SLC28A1: variants seen among roughly 807,000 people sequenced by gnomAD.
SLC28A1 encodes the protein solute carrier family 28 member 1.
In SLC28A1, 64 loss-of-function variants were observed where a neutral mutation model predicts 74.8. That is an observed-to-expected ratio of 0.86 (90% CI 0.70 to 1.05). The LOEUF (loss-of-function observed/expected upper bound fraction) is 1.05, where lower values mean the gene tolerates loss of function less well. Among genes scored for constraint, SLC28A1 ranks in the 50% least tolerant of loss-of-function variants. The probability of loss-of-function intolerance (pLI) is 0.00; values close to 1 mark genes in which losing one functional copy is unlikely to be tolerated. For synonymous variants in SLC28A1, 359 were observed against 335.0 expected (o/e 1.07, Z -0.78); for missense variants, 828 against 822.8 (o/e 1.01, Z -0.08).
intron 9 of SLC28A1, among the ~76,000 whole-genome samples, chr15:84,909,087 A>G (rs1480098867): frequency 6.6e-6 from 1 of 152,142 alleles, no homozygotes; most frequent in African/African-American, 2.4e-5. Flanking sequence ...TGAGTAGCTG[A>G]GGACAAGAAG....
the SLC28A1 span, among the ~76,000 whole-genome samples, chr15:84,951,997 C>T: frequency 3.9e-5 from 6 of 152,106 alleles, no homozygotes; most frequent in East Asian, 1.9e-4. Flanking sequence ...AAGCAGGAGT[C>T]GGCAGAGGTC....
At position 84,935,300 on chromosome 15, in the gene SLC28A1, G is replaced by A. The variant is rs768595528; in HGVS notation, c.1384-21G>A. On this transcript the variant is annotated intron_variant, in intron 14 of 18. Coordinates refer to ENST00000394573, the MANE Select transcript of SLC28A1 (RefSeq NM_004213.5). ...AGCCCAGGCCCAGCCCTCGGTGCCA[G>A]CCATACCGTTGTGCCCTCAGCTCAT... is the stretch of plus-strand genomic sequence containing the variant. 1.2e-5 allele frequency: 20 copies of A among 1,613,872 alleles called. No individual in the cohort carries two copies. The South Asian group carries it at 1.3e-4, about 11-fold the overall frequency.
downstream of SLC28A1, among the ~76,000 whole-genome samples, chr15:84,947,730 C>T (rs2079281455): frequency 1.3e-5 from 2 of 152,284 alleles, no homozygotes; most frequent in East Asian, 1.9e-4. Context: ...CATAAGGACA[C>T]TAATCCCATT....
At position 84,928,571 on chromosome 15, in the gene SLC28A1, T is replaced by G. The variant is rs921774624; in HGVS notation, c.1083+4461T>G. Among the ~76,000 whole-genome samples the G allele has an allele frequency of 1.8e-4, 3 of 16,914 alleles. 1 individual carries two copies. The highest frequency in any genetic ancestry group is 2.1e-4 in the Non-Finnish European group (2 of 9,610). The allele number at this position is 16,914 out of a possible 152,430, so 11.1% of individuals were successfully genotyped here. On this transcript the variant is annotated intron_variant, in intron 12 of 18. Transcript: ENST00000394573. ...CTTTCTTTCTTTCTTTCTTTCTTTCTTTCTTTCTTTCTTTCTTTCTTTCTT... is the reference window on the plus strand; with the variant it reads ...CTTTCTTTCTTTCTTTCTTTCTTTCGTTCTTTCTTTCTTTCTTTCTTTCTT...
chr15:84,972,917 A>T, the SLC28A1 span, among the ~76,000 whole-genome samples: 1 of 152,200 alleles, frequency 6.6e-6, no homozygotes, highest in Non-Finnish European at 1.5e-5. Context: ...TCAGCCAATG[A>T]TGAGGATGAA....
intron 6 of SLC28A1, among the ~76,000 whole-genome samples, chr15:84,899,997 AAGGCAGGC>A (rs58660486): frequency 4.7e-5 from 7 of 148,706 alleles, no homozygotes; most frequent in African/African-American, 7.4e-5. Flanking sequence ...GGAAAAGAAA[AAGGCAGGC>A]AGGCAGGCAG....
chr15:84,931,672 A>AT (rs991879275), intron 12 of SLC28A1, among the ~76,000 whole-genome samples: 2 of 150,322 alleles, frequency 1.3e-5, no homozygotes, highest in Non-Finnish European at 3.0e-5. Flanking sequence ...AAAAAAAAAA[A>AT]AAAAATGAAA....
intron 9 of SLC28A1, among the ~76,000 whole-genome samples, chr15:84,909,629 T>G (rs1215669636): frequency 6.6e-6 from 1 of 152,222 alleles, no homozygotes; most frequent in East Asian, 1.9e-4. Flanking sequence ...AGAACTCTAG[T>G]GTAGCCCTCC....
At chr15:84,944,280 T>A (rs924769698) in intron 16 of SLC28A1, among the ~76,000 whole-genome samples, 11 of 152,322 alleles carry the variant, frequency 7.2e-5, no homozygotes, top group African/African-American at 2.4e-4. Flanking sequence ...AGCTAGTGAG[T>A]GGCTGAGCTT....
chr15:84,930,621 T>C (rs1388827323), intron 12 of SLC28A1, among the ~76,000 whole-genome samples: 1 of 146,138 alleles, frequency 6.8e-6, no homozygotes, highest in Non-Finnish European at 1.5e-5. Context: ...CTGCTTTTTT[T>C]TTTTTTTTTT....
the SLC28A1 span, among the ~76,000 whole-genome samples, chr15:84,952,394 C>T: frequency 2.0e-5 from 3 of 152,248 alleles, no homozygotes; most frequent in East Asian, 1.9e-4. Flanking sequence ...CAGATGGACA[C>T]ACGAAATGCT....
At chr15:84,932,586 A>C (rs542029039) in intron 12 of SLC28A1, among the ~76,000 whole-genome samples, 2 of 152,350 alleles carry the variant, frequency 1.3e-5, no homozygotes, top group South Asian at 4.1e-4. Context: ...GCATTCAAAG[A>C]GAGAGCCTAG....
chr15:84,947,268 C>T (rs113079105), downstream of SLC28A1, among the ~76,000 whole-genome samples: 10 of 152,352 alleles, frequency 6.6e-5, no homozygotes, highest in African/African-American at 2.4e-4. Context: ...CTCCAGCTGC[C>T]CTTGGGCTGT....
the SLC28A1 span, among the ~76,000 whole-genome samples, chr15:84,963,212 G>T: frequency 6.6e-6 from 1 of 152,144 alleles, no homozygotes; most frequent in South Asian, 2.1e-4. Flanking sequence ...CTCCAGCCTT[G>T]CAATCCCTCG....
rs1157069374 is a variant in SLC28A1 at position 84,926,700 on chromosome 15, T to G, written c.1083+2590T>G. On this transcript the variant is annotated intron_variant, in intron 12 of 18. Coordinates refer to ENST00000394573, the MANE Select transcript of SLC28A1 (RefSeq NM_004213.5). ...AAGGTGGTAGCATTCAGCATGAGAG[T>G]GAGGTGGCCTGTATGTGCTGATTTG... The G allele has an allele frequency of 6.2e-5, 20 of 322,136 alleles. 1 individual carries two copies. In the East Asian group the frequency reaches 2.3e-3, roughly 38 times the overall value. 20.0% of individuals were successfully genotyped at this position (322,136 alleles called of 1,614,324 possible).
intron 12 of SLC28A1, among the ~76,000 whole-genome samples, chr15:84,932,623 C>A (rs374720209): frequency 1.3e-5 from 2 of 152,220 alleles, no homozygotes; most frequent in East Asian, 3.9e-4. Context: ...TACGCTAGTA[C>A]ATACCTACAC....
rs141096497 is a variant in SLC28A1 at position 84,906,499 on chromosome 15, GGTTTGTTTGTTTGTTTGTTT to G, written c.717+860_717+879del. On this transcript the variant is annotated intron_variant, in intron 8 of 18. Transcript: ENST00000394573. ...CACCATGCCAAGCTAATTAAAACATGGTTTGTTTGTTTGTTTGTTTGTTTGTTTGTTTCTTTCTTTCTTTC... is the reference window on the plus strand; with the variant it reads ...CACCATGCCAAGCTAATTAAAACATGGTTTGTTTGTTTCTTTCTTTCTTTC... Among the ~76,000 whole-genome samples, 914 of 117,142 alleles carry G rather than the reference GGTTTGTTTGTTTGTTTGTTT, an allele frequency of 7.8e-3. 15 individuals are homozygous for G. Among genetic ancestry groups the G allele is most frequent in the African/African-American group, 0.015 (495 of 32,684 alleles). 76.8% of individuals were successfully genotyped at this position (117,142 alleles called of 152,430 possible).
intron 8 of SLC28A1, among the ~76,000 whole-genome samples, chr15:84,908,408 T>A (rs906179851): frequency 5.9e-5 from 9 of 152,206 alleles, no homozygotes; most frequent in Non-Finnish European, 1.2e-4. Context: ...GGTTTCGAAC[T>A]CCTGACCTCA....
the SLC28A1 span, among the ~76,000 whole-genome samples, chr15:84,961,136 C>A: frequency 6.6e-6 from 1 of 152,158 alleles, no homozygotes; most frequent in Non-Finnish European, 1.5e-5. Flanking sequence ...AGCATTAACT[C>A]TGATAATGCA....
Sources: allele counts gnomAD v4.1 joint callset (sites outside exome capture counted in the v4.1 genomes callset), GRCh38; gene constraint gnomAD v4.1.1; transcripts MANE v1.5; gene names NCBI Gene and HGNC (gene_info 2026-07-23, HGNC 2026-07-21).